The following FAM135A variants were observed in gnomAD, a reference collection of about 807,000 sequenced individuals.
FAM135A encodes the protein protein FAM135A.
Under a neutral mutation model 146.8 loss-of-function variants are expected in FAM135A, and 79 were observed. That is an observed-to-expected ratio of 0.54 (90% confidence interval 0.45 to 0.65). The LOEUF (loss-of-function observed/expected upper bound fraction) is 0.65, where lower values mean the gene tolerates loss of function less well. Among genes scored for constraint, FAM135A ranks in the 30% least tolerant of loss-of-function variants. The pLI, the probability that FAM135A is intolerant of heterozygous loss-of-function variation, is 0.00. For synonymous variants in FAM135A, 562 were observed against 603.6 expected, an observed-to-expected ratio of 0.93 and a Z score of 1.01; for missense variants, 1,623 against 1,758.2, an observed-to-expected ratio of 0.92 and a Z score of 1.38.
Position 70,528,388 on chromosome 6 carries a change from T to A in FAM135A, c.3711T>A (p.Ser1237Arg). ...PLLASSVPYF[S>R]VEEEDGSEDG... ...TGGCATCCTCAGTACCTTATTTTAG[T>A]GTAGAAGAAGAGGATGGTTCTGAAG... Residue 1237 changes from serine (S) to arginine (R), a missense_variant, in exon 16 of 22, where the codon AGT (serine) becomes AGA (arginine). Physicochemically the swap from Ser to Arg is moderately radical, Grantham distance 110 (BLOSUM62 -1). Transcript: ENST00000418814. The A allele has an allele frequency of 6.2e-7, 1 of 1,613,740 alleles. No homozygotes were observed. The highest frequency in any genetic ancestry group is 8.5e-7 in the Non-Finnish European group (1 of 1,179,790).
intron 12 of FAM135A, among the ~76,000 whole-genome samples, chr6:70,514,139 T>C (rs918033253): frequency 6.6e-6 from 1 of 152,086 alleles, no homozygotes; most frequent in Admixed American, 6.6e-5. Flanking sequence ...AGTACTCTAA[T>C]TATATGTATA....
At chr6:70,444,280 G>A (rs1405219486) in intron 4 of FAM135A, among the ~76,000 whole-genome samples, 1 of 152,168 alleles carries the variant, frequency 6.6e-6, no homozygotes, top group Non-Finnish European at 1.5e-5. Context: ...GCACACGCCT[G>A]TAATCCCAGC....
In FAM135A at chr6:70,435,104, TA is replaced by T. The variant is rs56771675; in HGVS notation, c.77+6686del. Among the ~76,000 whole-genome samples the T allele has an allele frequency of 4.5e-3, 414 of 92,470 alleles. 2 individuals carry two copies. The highest frequency in any genetic ancestry group is 0.019 in the African/African-American group (385 of 20,702). The allele number at this position is 92,470 out of a possible 152,430, so 60.7% of individuals were successfully genotyped here. On this transcript the variant is annotated intron_variant, in intron 4 of 21. Transcript: ENST00000418814. Reference sequence around the variant, plus strand: ...GTGTATATATATATATATATATATATATATATTTTTTTTTTTTTTTAGATGG... The same window carrying T: ...GTGTATATATATATATATATATATATTATATTTTTTTTTTTTTTTAGATGG...
chr6:70,510,050 A>C (rs1790639306), intron 12 of FAM135A, among the ~76,000 whole-genome samples: 1 of 152,100 alleles, frequency 6.6e-6, no homozygotes, highest in Non-Finnish European at 1.5e-5. Flanking sequence ...TTTCCAGTTG[A>C]ATTTAAAGAG....
chr6:70,542,956 A>G (rs1177835937), intron 20 of FAM135A, among the ~76,000 whole-genome samples: 3 of 152,044 alleles, frequency 2.0e-5, no homozygotes, highest in South Asian at 4.2e-4. Flanking sequence ...ACCTTTTACC[A>G]TACTCATTAT....
chr6:70,539,688 C>T (rs1797482835), intron 20 of FAM135A, among the ~76,000 whole-genome samples: 1 of 152,094 alleles, frequency 6.6e-6, no homozygotes, highest in Non-Finnish European at 1.5e-5. Flanking sequence ...TCCTGGTTAT[C>T]CCAGGAGAAT....
chr6:70,423,934 C>G (rs1171900247), intron 2 of FAM135A, among the ~76,000 whole-genome samples: 1 of 152,208 alleles, frequency 6.6e-6, no homozygotes, highest in East Asian at 1.9e-4. Context: ...CTCCTCCATC[C>G]CTCCCACACA....
chr6:70,544,054 A>G (rs1425430453), intron 20 of FAM135A, among the ~76,000 whole-genome samples: 2 of 152,200 alleles, frequency 1.3e-5, no homozygotes, highest in Non-Finnish European at 2.9e-5. Flanking sequence ...TAAAAGGATT[A>G]AATGAGATAA....
At chr6:70,469,712 C>G (rs1354756616) in intron 5 of FAM135A, among the ~76,000 whole-genome samples, 2 of 151,948 alleles carry the variant, frequency 1.3e-5, no homozygotes, top group Non-Finnish European at 2.9e-5. Context: ...GAGAAAAGAA[C>G]AGCACCCCCA....
chr6:70,518,937 G>T (rs927690276), intron 12 of FAM135A, among the ~76,000 whole-genome samples: 8 of 152,200 alleles, frequency 5.3e-5, no homozygotes, highest in Non-Finnish European at 8.8e-5. Context: ...CCCATGTGAT[G>T]CATGAGTCAT....
At chr6:70,421,133 C>T (rs1768733835) in intron 2 of FAM135A, among the ~76,000 whole-genome samples, 2 of 152,144 alleles carry the variant, frequency 1.3e-5, no homozygotes. Flanking sequence ...GTCTGCTTGT[C>T]TCAGCCTCCC....
At chr6:70,485,010 A>G (rs1784361542) in intron 10 of FAM135A, among the ~76,000 whole-genome samples, 3 of 152,348 alleles carry the variant, frequency 2.0e-5, no homozygotes, top group Admixed American at 6.5e-5. Flanking sequence ...GAAGTTAATT[A>G]CAGAATGAAT....
intron 5 of FAM135A, among the ~76,000 whole-genome samples, chr6:70,464,321 T>C (rs1779956615): frequency 6.6e-6 from 1 of 152,194 alleles, no homozygotes; most frequent in Non-Finnish European, 1.5e-5. Flanking sequence ...ATCAAGTCAT[T>C]TGAACAAGGA....
chr6:70,483,728 T>C (rs78404488), intron 10 of FAM135A, among the ~76,000 whole-genome samples: 3,790 of 152,272 alleles, frequency 0.025, 114 homozygotes, highest in African/African-American at 0.068. Flanking sequence ...TGAAGGACAG[T>C]ATCATGTGCC....
chr6:70,554,842 G>T (rs569914095), intron 20 of FAM135A, among the ~76,000 whole-genome samples: 1 of 152,250 alleles, frequency 6.6e-6, no homozygotes, highest in South Asian at 2.1e-4. Flanking sequence ...GGCCAGGCTG[G>T]TCTCGAACTC....
At chr6:70,550,200 C>G (rs559587951) in intron 20 of FAM135A, among the ~76,000 whole-genome samples, 1 of 152,310 alleles carries the variant, frequency 6.6e-6, no homozygotes, top group South Asian at 2.1e-4. Context: ...TTCCAAACTT[C>G]TGTTCTTGTA....
At chr6:70,519,744 A>G (rs1283890905) in intron 12 of FAM135A, among the ~76,000 whole-genome samples, 1 of 152,192 alleles carries the variant, frequency 6.6e-6, no homozygotes, top group Non-Finnish European at 1.5e-5. Context: ...CACTTAAGAG[A>G]CTACAGTATA....
chr6:70,448,641 A>G (rs9455114), intron 4 of FAM135A, among the ~76,000 whole-genome samples: 30,682 of 152,072 alleles, frequency 0.2, 3,395 homozygotes, highest in African/African-American at 0.29. Context: ...GGAAATCAGG[A>G]GTCTCACAGC....
At chr6:70,518,113 T>C (rs1013108350) in intron 12 of FAM135A, among the ~76,000 whole-genome samples, 12 of 152,102 alleles carry the variant, frequency 7.9e-5, no homozygotes, top group African/African-American at 2.2e-4. Flanking sequence ...CTTGTGAATG[T>C]AAAGGAAAAG....
Sources: allele counts gnomAD v4.1 joint callset (sites outside exome capture counted in the v4.1 genomes callset), GRCh38; gene constraint gnomAD v4.1.1; transcripts MANE v1.5; gene names NCBI Gene and HGNC (gene_info 2026-07-23, HGNC 2026-07-21).